COL6A2: variants seen among roughly 807,000 people sequenced by gnomAD.
COL6A2 encodes collagen alpha-2(VI) chain.
Under a neutral mutation model 124.9 loss-of-function variants are expected in COL6A2, and 90 were observed. The ratio of observed to expected loss-of-function variants is 0.72; its 90% confidence interval spans 0.61 to 0.86. The LOEUF is 0.86. COL6A2 is among the 40% of genes least tolerant of loss of function. The pLI is 0.00. For synonymous variants in COL6A2, 793 were observed against 618.2 expected, an observed-to-expected ratio of 1.28 and a Z score of -4.19; for missense variants, 1,607 against 1,502.5, an observed-to-expected ratio of 1.07 and a Z score of -1.15.
intron 26 of COL6A2, 24 bp downstream of exon 26, chr21:46,126,261 T>C: frequency 6.3e-7 from 1 of 1,596,160 alleles, no homozygotes; most frequent in Non-Finnish European, 8.5e-7. Context: ...CGCGGGGCAG[T>C]CGGCCGAGGA....
chr21:46,120,537 C>A lies in COL6A2; in HGVS notation c.1355C>A (p.Pro452His). Residue 452 changes from proline to histidine, a missense_variant, in exon 16 of 28, where the codon CCC becomes CAC. Around this residue, in one of 3 missense-constraint regions of COL6A2, gnomAD observed 1,223 missense variants for 1,052.2 expected, o/e 1.16. Transcript: ENST00000300527. ...GEKGDPGPEG[P>H]RGLAGEVGNK... ...CAGGGGGACCCTGGCCCTGAGGGGCCCCGCGGCCTGGCTGGAGAGGTTGGC... is the reference window on the plus strand; with the variant it reads ...CAGGGGGACCCTGGCCCTGAGGGGCACCGCGGCCTGGCTGGAGAGGTTGGC... 6.7e-7 allele frequency: 1 copy of A among 1,481,964 alleles called. No homozygotes were observed. The highest frequency in any genetic ancestry group is 8.9e-7 in the Non-Finnish European group (1 of 1,118,240). 91.8% of individuals were successfully genotyped at this position (1,481,964 alleles called of 1,614,324 possible). A position where few individuals can be genotyped will look rare whatever the true frequency, so the allele number is the denominator to read the frequency against.
In COL6A2 at chr21:46,129,392, G is replaced by T. The variant is rs367635678; in HGVS notation, c.2462-2562G>T. On this transcript the variant is annotated intron_variant, in intron 27 of 27. Transcript: ENST00000300527. ...CCGAGCGGGCCAAGTTCGCCACCGGGGTAGAGCGGCAGGACTGGATGGAGC... is the reference window on the plus strand; with the variant it reads ...CCGAGCGGGCCAAGTTCGCCACCGGTGTAGAGCGGCAGGACTGGATGGAGC... 4 of 1,612,902 alleles carry T rather than the reference G, an allele frequency of 2.5e-6. No individual in the cohort carries two copies. In the African/African-American group the frequency reaches 4.0e-5, roughly 16 times the overall value.
In COL6A2 at chr21:46,119,684, C is replaced by T. The variant is rs1028308532; in HGVS notation, c.1270-104C>T. 6 of 1,043,148 alleles carry T rather than the reference C, an allele frequency of 5.8e-6. No individual in the cohort carries two copies. In the Admixed American group the frequency reaches 1.1e-4, roughly 18 times the overall value. The allele number at this position is 1,043,148 out of a possible 1,614,324, so 64.6% of individuals were successfully genotyped here. On this transcript the variant is annotated intron_variant, in intron 14 of 27. Transcript: ENST00000300527. Reference sequence around the variant, plus strand: ...AGGTCCCAGGTCCCAAAGCCAGAGCCCTCCTGTAGAGAAGGAGCATCGGCC... The same window carrying T: ...AGGTCCCAGGTCCCAAAGCCAGAGCTCTCCTGTAGAGAAGGAGCATCGGCC...
chr21:46,130,573 C>T (rs544243665), intron 27 of COL6A2, among the ~76,000 whole-genome samples: 1 of 152,130 alleles, frequency 6.6e-6, no homozygotes, highest in South Asian at 2.1e-4. Context: ...CCACAGACAT[C>T]CCAACAGCCT....
At chr21:46,122,827 G>C (rs1173478433) in intron 20 of COL6A2, 48 bp from the exon 21 acceptor site, 2 of 1,550,174 alleles carry the variant, frequency 1.3e-6, no homozygotes, top group Non-Finnish European at 1.8e-6. Flanking sequence ...GGTGTCCCTG[G>C]TAGAGACAGC....
rs376907051 is a variant in COL6A2, at chr21:46,124,306, C to T, written c.1672-345C>T. 4.0e-5 allele frequency among the ~76,000 whole-genome samples: 6 copies of T among 150,250 alleles called. No individual in the cohort carries two copies. In the East Asian group the frequency reaches 6.0e-4, roughly 15 times the overall value. On this transcript the variant is annotated intron_variant, in intron 21 of 27. Coordinates refer to ENST00000300527, the MANE Select transcript of COL6A2 (RefSeq NM_001849.4). ...ATGGATGGGTGATTGGGCGAATGGG[C>T]GAATGGGTGGATGGGTGGGCGTGGA...
intron 15 of COL6A2, among the ~76,000 whole-genome samples, chr21:46,120,206 G>A (rs1380499861): frequency 1.0e-5 from 1 of 97,510 alleles, no homozygotes; most frequent in Non-Finnish European, 2.3e-5. Context: ...GAAGGGCTGT[G>A]TGGTAAAACC....
rs752189678 is a variant in COL6A2 at position 46,125,940 on chromosome 21, T to G, written c.2125T>G (p.Phe709Val). The change falls in exon 26 of 28, where the codon TTT becomes GTT. Residue 709 changes from phenylalanine to valine, a missense_variant. By Grantham distance (50) the Phe-to-Val change is conservative. This residue lies in a region of COL6A2 where 1,223 missense variants were observed against 1,052.2 expected (regional missense o/e 1.16). Coordinates refer to ENST00000300527, the MANE Select transcript of COL6A2 (RefSeq NM_001849.4). ...CACCTGGACACCCTCAGCCCTCAAGTTTGCCTACGACCGCCTCATCAAGGA... is the reference window on the plus strand; with the variant it reads ...CACCTGGACACCCTCAGCCCTCAAGGTTGCCTACGACCGCCTCATCAAGGA... ...GGTWTPSALK[F>V]AYDRLIKESR... 2 of 1,613,064 alleles carry G rather than the reference T, an allele frequency of 1.2e-6. No individual in the cohort carries two copies.
At chr21:46,112,720 C>T (rs2078422086) in intron 3 of COL6A2, 84 bp from the exon 4 acceptor site, 2 of 1,602,818 alleles carry the variant, frequency 1.2e-6, no homozygotes, top group Admixed American at 1.7e-5. Context: ...ACTCAGGTGT[C>T]CCTCCATCCC....
In COL6A2 at chr21:46,132,089, C is replaced by T; in HGVS notation, c.2597C>T (p.Ala866Val). 6.3e-7 allele frequency: 1 copy of T among 1,598,210 alleles called. No individual in the cohort carries two copies. The highest frequency in any genetic ancestry group is 8.5e-7 in the Non-Finnish European group (1 of 1,175,090). ...VEQVARRLTLARRDDDPLNAR... is the reference protein window; with the variant it reads ...VEQVARRLTLVRRDDDPLNAR... ...CAGGTGGCGCGGCGGCTGACGCTGG[C>T]CCGGAGGGACGACGACCCTCTCAAC... The change falls in exon 28 of 28, where the codon GCC becomes GTC. Residue 866 changes from alanine to valine, a missense_variant. Physicochemically the swap from Ala to Val is moderately conservative, Grantham distance 64. Coordinates refer to ENST00000300527, the MANE Select transcript of COL6A2 (RefSeq NM_001849.4).
In COL6A2 at chr21:46,121,540, T is replaced by G. The variant is rs1233296889; in HGVS notation, c.1459-16T>G. The G allele has an allele frequency of 6.2e-7, 1 of 1,612,444 alleles. No homozygotes were observed. Among genetic ancestry groups the G allele is most frequent in the Admixed American group, 1.7e-5 (1 of 59,992 alleles). On this transcript the variant is annotated splice_polypyrimidine_tract_variant and intron_variant, in intron 17 of 27. Coordinates refer to ENST00000300527, the MANE Select transcript of COL6A2 (RefSeq NM_001849.4). ...CCCTGCCTGTGCTGACTTCTGAATT[T>G]CTCTCCTGCCCTCAGGGATCTCGGG...
Position 46,125,455 on chromosome 21 carries a change from A to ACC in COL6A2, c.1817-4_1817-3dup, listed in dbSNP as rs149954350. On this transcript the variant is annotated splice_polypyrimidine_tract_variant and intron_variant, in intron 24 of 27. Transcript: ENST00000300527. Reference sequence around the variant, plus strand: ...CCCGGTACCCCCCGATGACCCTGCCACCCCCCCAGACTGTGAGAAGCGCTG... The same window carrying ACC: ...CCCGGTACCCCCCGATGACCCTGCCACCCCCCCCCAGACTGTGAGAAGCGCTG... 1.7e-4 allele frequency: 277 copies of ACC among 1,610,310 alleles called. 3 individuals are homozygous for ACC. The highest frequency in any genetic ancestry group is 1.7e-3 in the Middle Eastern group (10 of 6,050).
At chr21:46,121,310 C>A (rs1183967050) in intron 17 of COL6A2, among the ~76,000 whole-genome samples, 187 bp downstream of exon 17, 1 of 152,192 alleles carries the variant, frequency 6.6e-6, no homozygotes, top group Non-Finnish European at 1.5e-5. Flanking sequence ...CCCCAGCCCC[C>A]CATCCTGCCC....
chr21:46,108,070 TTCTTTCTC>T (rs1046367528), intron 1 of COL6A2, among the ~76,000 whole-genome samples: 4 of 151,636 alleles, frequency 2.6e-5, no homozygotes, highest in African/African-American at 7.3e-5. Flanking sequence ...TCCTTTCTCT[TTCTTTCTC>T]TCTTTCTCTC....
At position 46,122,492 on chromosome 21, in the gene COL6A2, A is replaced by C. The variant is rs754129270; in HGVS notation, c.1573-4A>C. On this transcript the variant is annotated splice_region_variant and splice_polypyrimidine_tract_variant and intron_variant, in intron 19 of 27. Transcript: ENST00000300527. ...AGTCACCCTGGCTTCTGTTTGCTTC[A>C]CAGGGAGAAAAAGGCGAGCCCGGCC... 6.2e-7 allele frequency: 1 copy of C among 1,612,742 alleles called. No individual in the cohort carries two copies. Among genetic ancestry groups the C allele is most frequent in the Non-Finnish European group, 8.5e-7 (1 of 1,179,976 alleles).
chr21:46,126,657 C>A (rs1423054836), intron 27 of COL6A2, 116 bp downstream of exon 27: 4 of 1,271,632 alleles, frequency 3.1e-6, no homozygotes, highest in Non-Finnish European at 2.2e-6. Flanking sequence ...GGCGGCGGAG[C>A]CACTGCGGAG....
intron 21 of COL6A2, among the ~76,000 whole-genome samples, chr21:46,124,070 C>G (rs571208716): frequency 2.6e-5 from 3 of 117,040 alleles, no homozygotes; most frequent in South Asian, 6.0e-4. Flanking sequence ...ACGGATGGAC[C>G]GATGGATGAA....
At position 46,117,476 on chromosome 21, in the gene COL6A2, C is replaced by T. The variant is rs775973878; in HGVS notation, c.1053+23C>T. Reference sequence around the variant, plus strand: ...CGGGTAAGGGCCGTTTGCACCCCTCCTTCAGCCTCGGCCCAGGGGGTGTGG... The same window carrying T: ...CGGGTAAGGGCCGTTTGCACCCCTCTTTCAGCCTCGGCCCAGGGGGTGTGG... On this transcript the variant is annotated intron_variant, in intron 11 of 27. Transcript: ENST00000300527. The T allele has an allele frequency of 5.6e-6, 9 of 1,611,690 alleles. No homozygotes were observed. In the Admixed American group the frequency reaches 1.5e-4, roughly 27 times the overall value.
chr21:46,127,869 G>GAGTT (rs567019084), intron 27 of COL6A2, among the ~76,000 whole-genome samples: 1 of 152,174 alleles, frequency 6.6e-6, no homozygotes, highest in Non-Finnish European at 1.5e-5. Context: ...TTGTAGTTGG[G>GAGTT]AGTTAGTTAG....
Sources: allele counts gnomAD v4.1 joint callset (sites outside exome capture counted in the v4.1 genomes callset), GRCh38; gene constraint gnomAD v4.1.1; regional missense constraint gnomAD v4.1.1; transcripts MANE v1.5; gene names NCBI Gene and HGNC (gene_info 2026-07-23, HGNC 2026-07-21).